VRTN: variants seen among roughly 807,000 people sequenced by gnomAD.
VRTN encodes the protein vertnin.
A neutral mutation model predicts 18.2 loss-of-function variants in VRTN; 5 were observed. That is an observed-to-expected ratio of 0.27 (90% CI 0.14 to 0.58). The LOEUF (loss-of-function observed/expected upper bound fraction) is 0.58, where lower values mean the gene tolerates loss of function less well. Ranked by LOEUF, VRTN falls within the 20% of genes least tolerant of loss-of-function variation. The pLI is 0.91. For synonymous variants in VRTN, 381 were observed against 393.7 expected, an observed-to-expected ratio of 0.97 and a Z score of 0.38; for missense variants, 741 against 939.4, an observed-to-expected ratio of 0.79 and a Z score of 2.76.
At chr14:74,324,327 GC>G (rs2085474347) in intron 1 of VRTN, among the ~76,000 whole-genome samples, 2 of 142,808 alleles carry the variant, frequency 1.4e-5, no homozygotes, top group Non-Finnish European at 3.0e-5. Flanking sequence ...GGCAGAGGTT[GC>G]AGTGAGCTGA....
intron 2 of VRTN, among the ~76,000 whole-genome samples, chr14:74,342,341 C>A (rs1041979389): frequency 2.0e-5 from 3 of 151,962 alleles, no homozygotes; most frequent in African/African-American, 7.3e-5. Context: ...AAAAATATTT[C>A]TAATTCCTGT....
At chr14:74,330,387 C>T (rs1361652294) in intron 1 of VRTN, among the ~76,000 whole-genome samples, 1 of 151,810 alleles carries the variant, frequency 6.6e-6, no homozygotes, top group African/African-American at 2.4e-5. Context: ...TGAATTACTA[C>T]TAGACTTATG....
At chr14:74,353,057 A>G (rs1204780851) in intron 1 of VRTN, among the ~76,000 whole-genome samples, 1 of 152,066 alleles carries the variant, frequency 6.6e-6, no homozygotes, top group African/African-American at 2.4e-5. Flanking sequence ...TTGGGAGGCC[A>G]AGGTGGGTGG....
Position 74,326,098 on chromosome 14 carries a change from G to A in VRTN, c.-163-11625G>A, listed in dbSNP as rs376709415. Among the ~76,000 whole-genome samples the A allele has an allele frequency of 1.8e-4, 28 of 152,198 alleles. 1 individual carries two copies. The South Asian group carries it at 3.7e-3, about 20-fold the overall frequency. ...CAGCTGGGAAGGGCAAGCAGGGTTC[G>A]GACCCATGTTTGTGTGATTCCAAGT... On this transcript the variant is annotated intron_variant, in intron 1 of 2. Coordinates refer to the VRTN transcript ENST00000557177.
At position 74,357,146 on chromosome 14, in the gene VRTN, G is replaced by A. The variant is rs749527169; in HGVS notation, c.363G>A (p.Gln121=). The change falls in exon 2 of 2, where the codon CAG becomes CAA. Residue 121 remains glutamine, a synonymous_variant. Transcript: ENST00000256362. The surrounding 1 kb of genome is among the most constrained non-coding windows in gnomAD (Gnocchi z 7.8). ...EMLLHRHYYL[Q]GMIDSKVMLQ... is the part of the protein sequence containing the mutation. ...TGCTGCACAGACACTACTACCTCCA[G>A]GGCATGATCGACTCCAAAGTGATGC... is the stretch of plus-strand genomic sequence containing the variant. 1.3e-6 allele frequency: 2 copies of A among 1,598,238 alleles called. No individual in the cohort carries two copies. Among genetic ancestry groups the A allele is most frequent in the Admixed American group, 1.7e-5 (1 of 59,766 alleles).
chr14:74,329,876 C>CT (rs61567546), intron 1 of VRTN, among the ~76,000 whole-genome samples: 3,515 of 135,448 alleles, frequency 0.026, 83 homozygotes, highest in African/African-American at 0.062. Context: ...CGGGCCTGGG[C>CT]TTTTTTTTTT....
intron 1 of VRTN, among the ~76,000 whole-genome samples, chr14:74,309,311 T>C (rs1266042722): frequency 6.6e-6 from 1 of 152,200 alleles, no homozygotes; most frequent in Non-Finnish European, 1.5e-5. Flanking sequence ...CACACTACTG[T>C]GTCCCCATTT....
intron 2 of VRTN, among the ~76,000 whole-genome samples, chr14:74,340,833 C>G (rs1402644851): frequency 6.6e-6 from 1 of 152,208 alleles, no homozygotes; most frequent in Admixed American, 6.5e-5. Flanking sequence ...TCACTGCAGC[C>G]TCTGCCTCCT....
At chr14:74,314,543 C>A (rs1181212606) in intron 1 of VRTN, among the ~76,000 whole-genome samples, 1 of 151,632 alleles carries the variant, frequency 6.6e-6, no homozygotes, top group Non-Finnish European at 1.5e-5. Context: ...ACTACAGGTG[C>A]ACACCACCAT....
chr14:74,344,445 A>G (rs1366485860), upstream of VRTN, among the ~76,000 whole-genome samples: 6 of 147,574 alleles, frequency 4.1e-5, no homozygotes, highest in African/African-American at 1.5e-4. Flanking sequence ...TGGAAAATGT[A>G]AAAGTGGCTG....
intron 1 of VRTN, among the ~76,000 whole-genome samples, chr14:74,349,301 G>A (rs1241137550): frequency 1.3e-5 from 2 of 148,890 alleles, no homozygotes; most frequent in East Asian, 4.1e-4. Context: ...CACCGGGGAG[G>A]GAGCAAAGAT....
Position 74,320,563 on chromosome 14 carries a change from CTTTTTTTTTTTTTTTTTTTT to C in VRTN, c.-163-17138_-163-17119del, listed in dbSNP as rs35884901. Reference sequence around the variant, plus strand: ...AGACTTGAGCCACTGCGCCCGGCCTCTTTTTTTTTTTTTTTTTTTTTTTTTTTTTTTTTTTTTTTTTGAGA... The same window carrying C: ...AGACTTGAGCCACTGCGCCCGGCCTCTTTTTTTTTTTTTTTTTTTTTGAGA... On this transcript the variant is annotated intron_variant, in intron 1 of 2. Transcript: ENST00000557177. Among the ~76,000 whole-genome samples the C allele has an allele frequency of 2.1e-3, 95 of 45,006 alleles. 1 individual carries two copies. The highest frequency in any genetic ancestry group is 3.3e-3 in the Non-Finnish European group (75 of 22,400). 29.5% of individuals were successfully genotyped at this position (45,006 alleles called of 152,430 possible). A position where few individuals can be genotyped will look rare whatever the true frequency, so the allele number is the denominator to read the frequency against.
chr14:74,329,640 G>C lies in VRTN; in HGVS notation c.-163-8083G>C, dbSNP rs758185055. Among the ~76,000 whole-genome samples, 16 of 150,304 alleles carry C rather than the reference G, an allele frequency of 1.1e-4. No homozygotes were observed. The East Asian group carries it at 3.2e-3, about 30-fold the overall frequency. ...GTTGCCCAGGCTGGAGTGCAGTGGC[G>C]TGATCTCGGCTCACTGCCACCTCTG... On this transcript the variant is annotated intron_variant, in intron 1 of 2. Coordinates refer to the VRTN transcript ENST00000557177.
At chr14:74,341,413 C>G (rs957743063) in intron 2 of VRTN, among the ~76,000 whole-genome samples, 104 of 152,220 alleles carry the variant, frequency 6.8e-4, no homozygotes, top group African/African-American at 2.4e-3. Context: ...CTTTTAGTAG[C>G]TGATGCAAGT....
intron 1 of VRTN, among the ~76,000 whole-genome samples, chr14:74,312,330 G>A (rs1444677356): frequency 6.6e-6 from 1 of 152,154 alleles, no homozygotes; most frequent in Non-Finnish European, 1.5e-5. Context: ...GCATGTTTGT[G>A]TGTGCATAAC....
rs532556748 is a variant in VRTN, at chr14:74,342,810, A to C, written c.-2+4926A>C. On this transcript the variant is annotated intron_variant, in intron 2 of 2. Transcript: ENST00000557177. The stretch of plus-strand genomic sequence containing the variant: ...TTTCTTTTTTACTTTTGTGGAGACA[A>C]GGTCTCACTGTGTTGCTCAAGCTGG... Among the ~76,000 whole-genome samples, 3 of 152,146 alleles carry C rather than the reference A, an allele frequency of 2.0e-5. No individual in the cohort carries two copies. The East Asian group carries it at 5.8e-4, about 29-fold the overall frequency.
chr14:74,318,144 T>C (rs2085429431), intron 1 of VRTN, among the ~76,000 whole-genome samples: 2 of 152,120 alleles, frequency 1.3e-5, no homozygotes, highest in African/African-American at 4.8e-5. Context: ...AAAAAGACAA[T>C]AGTACTAAGG....
At chr14:74,312,784 C>T (rs1309619357) in intron 1 of VRTN, among the ~76,000 whole-genome samples, 3 of 134,934 alleles carry the variant, frequency 2.2e-5, no homozygotes, top group Non-Finnish European at 4.6e-5. Context: ...GGCAGAGTCT[C>T]GCTCTGGCGC....
intron 1 of VRTN, among the ~76,000 whole-genome samples, chr14:74,319,185 A>G (rs1417447823): frequency 6.6e-6 from 1 of 151,748 alleles, no homozygotes; most frequent in African/African-American, 2.4e-5. Context: ...GGCATGTGCC[A>G]CTACTGCCTG....
Sources: gnomAD v4.1 joint callset for allele counts (sites outside exome capture counted in the v4.1 genomes callset) on GRCh38, gnomAD v4.1.1 for gene constraint, Gnocchi (gnomAD v3.1) non-coding constraint, MANE v1.5 for transcripts, NCBI Gene and HGNC (gene_info 2026-07-23, HGNC 2026-07-21) for gene names.